DCLK1: variants seen among roughly 807,000 people sequenced by gnomAD.
DCLK1 encodes doublecortin like kinase 1, also known as serine/threonine-protein kinase DCLK1.
In DCLK1, 16 loss-of-function variants were observed where a neutral mutation model predicts 86.2. That is an observed-to-expected ratio of 0.19 (90% CI 0.13 to 0.28). The LOEUF is 0.28. Among genes scored for constraint, DCLK1 ranks in the 10% least tolerant of loss-of-function variants. The probability of loss-of-function intolerance (pLI) is 1.00; values close to 1 mark genes in which losing one functional copy is unlikely to be tolerated. For missense variants in DCLK1, 590 were observed against 940.2 expected (o/e 0.63, Z 4.87); for synonymous variants, 369 against 370.5 (o/e 1.00, Z 0.05).
intron 7 of DCLK1, among the ~76,000 whole-genome samples, chr13:35,838,386 C>T (rs1348388446): frequency 6.6e-6 from 1 of 152,126 alleles, no homozygotes; most frequent in Non-Finnish European, 1.5e-5. Context: ...GATGGTATCA[C>T]TTTTATCTTT....
At chr13:35,978,334 T>C (rs1364587163) in intron 3 of DCLK1, among the ~76,000 whole-genome samples, 1 of 151,132 alleles carries the variant, frequency 6.6e-6, no homozygotes, top group African/African-American at 2.4e-5. Context: ...GCCTCCCAAG[T>C]AGCTGGAATT....
Position 35,822,693 on chromosome 13 carries a change from G to C in DCLK1, c.1554+36C>G, listed in dbSNP as rs533333646. On this transcript the variant is annotated intron_variant, in intron 11 of 16. Transcript: ENST00000360631. ...ATTCATATTCCTTCATGAGTGCTTG[G>C]AACTCAGGATGCCCTGTAGGTGGAA... 4.5e-5 allele frequency: 73 copies of C among 1,612,988 alleles called. No individual in the cohort carries two copies. In the South Asian group the frequency reaches 7.6e-4, roughly 17 times the overall value.
In DCLK1 at chr13:35,839,447, C is replaced by T. The variant is rs187267108; in HGVS notation, c.1036-271G>A. On this transcript the variant is annotated intron_variant, in intron 6 of 16. Coordinates refer to ENST00000360631, the MANE Select transcript of DCLK1 (RefSeq NM_001330071.2). ...ACTTCTTATTCCTTTTGCTCAAAAT[C>T]GGGGTCCTTTAGCTCGCTGTTTGGG... Among the ~76,000 whole-genome samples the T allele has an allele frequency of 8.5e-5, 13 of 152,272 alleles. No individual in the cohort carries two copies. The East Asian group carries it at 2.1e-3, about 25-fold the overall frequency.
intron 15 of DCLK1, among the ~76,000 whole-genome samples, chr13:35,805,099 A>G (rs1360857660): frequency 6.6e-6 from 1 of 152,200 alleles, no homozygotes; most frequent in Non-Finnish European, 1.5e-5. Context: ...TGCCTTCTTG[A>G]TGATTATTCA....
intron 3 of DCLK1, among the ~76,000 whole-genome samples, chr13:36,062,616 A>G (rs1883590704): frequency 6.6e-6 from 1 of 152,216 alleles, no homozygotes; most frequent in Non-Finnish European, 1.5e-5. Flanking sequence ...AGAATTAGAG[A>G]TAATTACATA....
At chr13:35,872,550 G>A (rs1242803901) in intron 4 of DCLK1, among the ~76,000 whole-genome samples, 2 of 152,154 alleles carry the variant, frequency 1.3e-5, no homozygotes, top group Admixed American at 6.5e-5. Context: ...TGAGTGTGCA[G>A]TTATCCTATC....
intron 4 of DCLK1, among the ~76,000 whole-genome samples, chr13:35,936,033 A>T (rs371622588): frequency 2.0e-5 from 3 of 152,174 alleles, no homozygotes; most frequent in Admixed American, 1.3e-4. Context: ...TTAGGGAACA[A>T]TTATTAAGGG....
chr13:35,877,043 A>G (rs1872630947), intron 4 of DCLK1, among the ~76,000 whole-genome samples: 1 of 152,244 alleles, frequency 6.6e-6, no homozygotes, highest in African/African-American at 2.4e-5. Flanking sequence ...CAGGCAAGCA[A>G]GTAAGCAACA....
intron 5 of DCLK1, among the ~76,000 whole-genome samples, chr13:35,866,477 G>A (rs1410220950): frequency 2.9e-5 from 4 of 136,788 alleles, no homozygotes; most frequent in African/African-American, 1.1e-4. Context: ...TTTTGAGACA[G>A]GGTCTCACTC....
At chr13:35,866,254 CT>C (rs1871779923) in intron 5 of DCLK1, among the ~76,000 whole-genome samples, 1 of 152,176 alleles carries the variant, frequency 6.6e-6, no homozygotes, top group Non-Finnish European at 1.5e-5. Context: ...CGTATGTAAA[CT>C]ATAATGTTTC....
At chr13:36,025,319 A>G (rs1023648765) in intron 3 of DCLK1, among the ~76,000 whole-genome samples, 2 of 152,176 alleles carry the variant, frequency 1.3e-5, no homozygotes, top group African/African-American at 2.4e-5. Flanking sequence ...GAGAAGGAAT[A>G]TCCTATCCAA....
intron 4 of DCLK1, among the ~76,000 whole-genome samples, chr13:35,882,446 T>C (rs370780002): frequency 1.3e-5 from 2 of 152,242 alleles, no homozygotes; most frequent in East Asian, 3.8e-4. Context: ...ACAATATGTA[T>C]GACATCACTT....
chr13:35,805,553 C>A (rs1396831795), intron 15 of DCLK1, 146 bp downstream of exon 15: 7 of 726,934 alleles, frequency 9.6e-6, no homozygotes, highest in South Asian at 6.7e-5. Flanking sequence ...CCCACCTCGG[C>A]CTCCCAAAGG....
chr13:35,969,101 T>G (rs1162599546), intron 3 of DCLK1, among the ~76,000 whole-genome samples: 4 of 152,184 alleles, frequency 2.6e-5, no homozygotes. Context: ...TCAGGGAATT[T>G]TCACTTCTCC....
At chr13:35,987,456 T>C (rs927577474) in intron 3 of DCLK1, among the ~76,000 whole-genome samples, 1 of 152,110 alleles carries the variant, frequency 6.6e-6, no homozygotes, top group Non-Finnish European at 1.5e-5. Flanking sequence ...CTGGGCTTCA[T>C]CTTTTCACAC....
In DCLK1 at chr13:35,771,739, C is replaced by G. The variant is rs2086336907; in HGVS notation, c.*2796G>C. ...CACCATAAGAGAGCTATATTAAATA[C>G]TTGGGAAAAAATATGGAAACACCGG... On this transcript the variant is annotated 3_prime_UTR_variant, in exon 17 of 17. Transcript: ENST00000360631. 1 of 152,108 alleles carries G rather than the reference C, an allele frequency of 6.6e-6. No homozygotes were observed. The highest frequency in any genetic ancestry group is 1.5e-5 in the Non-Finnish European group (1 of 68,020). The allele number at this position is 152,108 out of a possible 1,614,324, so 9.4% of individuals were successfully genotyped here.
At chr13:35,953,819 A>G (rs149280829) in intron 3 of DCLK1, among the ~76,000 whole-genome samples, 19 of 152,316 alleles carry the variant, frequency 1.2e-4, no homozygotes, top group African/African-American at 4.1e-4. Flanking sequence ...GGGCCTAGGC[A>G]AGGATATTTT....
At chr13:35,787,791 C>A (rs2086649176) in intron 16 of DCLK1, 1 of 249,598 alleles carries the variant, frequency 4.0e-6, no homozygotes, top group Admixed American at 5.5e-5. Flanking sequence ...CTAATCAGGT[C>A]AAGGTTGGGC....
chr13:36,063,667 A>G (rs544055774), intron 3 of DCLK1, among the ~76,000 whole-genome samples: 1 of 152,122 alleles, frequency 6.6e-6, no homozygotes, highest in African/African-American at 2.4e-5. Context: ...AGAATAGGAG[A>G]ATTTGTTTCT....
Sources: gnomAD v4.1 joint callset for allele counts (sites outside exome capture counted in the v4.1 genomes callset) on GRCh38, gnomAD v4.1.1 for gene constraint, MANE v1.5 for transcripts, NCBI Gene and HGNC (gene_info 2026-07-23, HGNC 2026-07-21) for gene names.